RAD50: variants seen among roughly 807,000 people sequenced by gnomAD.
RAD50 encodes the protein DNA repair protein RAD50.
A neutral mutation model predicts 168.8 loss-of-function variants in RAD50; 132 were observed. The ratio of observed to expected loss-of-function variants is 0.78; its 90% CI spans 0.68 to 0.90. The LOEUF is 0.90. Among genes scored for constraint, RAD50 ranks in the 40% least tolerant of loss-of-function variants. The pLI is 0.00. For missense variants in RAD50, 1,347 were observed against 1,534.4 expected (o/e 0.88, Z 2.04); for synonymous variants, 525 against 497.4 (o/e 1.06, Z -0.74).
At chr5:132,641,503 C>T (rs1751720182) in intron 24 of RAD50, among the ~76,000 whole-genome samples, 1 of 152,198 alleles carries the variant, frequency 6.6e-6, no homozygotes, top group Non-Finnish European at 1.5e-5. Context: ...CTGCAGCCAT[C>T]ATCACAAGTA....
intron 21 of RAD50, among the ~76,000 whole-genome samples, chr5:132,633,098 CTTTTTTTTTT>C (rs34616055): frequency 2.7e-5 from 3 of 113,048 alleles, no homozygotes; most frequent in Non-Finnish European, 5.3e-5. Context: ...TTCGTTTTTT[CTTTTTTTTTT>C]TTTTTTTTTT....
intron 21 of RAD50, among the ~76,000 whole-genome samples, chr5:132,621,228 C>A (rs1480919954): frequency 1.3e-5 from 2 of 152,120 alleles, no homozygotes; most frequent in Non-Finnish European, 2.9e-5. Context: ...AGACCTCGAT[C>A]AAAAATTTGA....
At chr5:132,575,992 G>T in intron 3 of RAD50, 64 bp downstream of exon 3, 1 of 1,446,660 alleles carries the variant, frequency 6.9e-7, no homozygotes, top group Non-Finnish European at 9.4e-7. Context: ...GTAAGTTGAT[G>T]GTTGTTTTCT....
chr5:132,626,422 C>G (rs1751373030), intron 21 of RAD50, among the ~76,000 whole-genome samples: 1 of 152,018 alleles, frequency 6.6e-6, no homozygotes, highest in African/African-American at 2.4e-5. Flanking sequence ...AGATATTTAG[C>G]AAATTATTTA....
chr5:132,592,001 T>G lies in RAD50; in HGVS notation c.1760T>G (p.Ile587Ser), dbSNP rs769527393. 3.1e-6 allele frequency: 5 copies of G among 1,612,952 alleles called. No individual in the cohort carries two copies. The African/African-American group carries it at 6.7e-5, about 22-fold the overall frequency. Residue 587 changes from isoleucine (I) to serine (S), a missense_variant, in exon 11 of 25, where the codon ATT becomes AGT. Transcript: ENST00000378823. ...EDWLHSKSKE[I>S]NQTRDRLAKL... Reference sequence around the variant, plus strand: ...TGGCTACATAGTAAATCAAAAGAAATTAATCAGACCAGGGACAGACTTGCC... The same window carrying G: ...TGGCTACATAGTAAATCAAAAGAAAGTAATCAGACCAGGGACAGACTTGCC...
At chr5:132,641,097 T>G (rs1355066719) in intron 24 of RAD50, among the ~76,000 whole-genome samples, 1 of 152,168 alleles carries the variant, frequency 6.6e-6, no homozygotes, top group Admixed American at 6.5e-5. Context: ...GGCCTGGTTT[T>G]CCTGTAAACC....
Position 132,604,000 on chromosome 5 carries a change from A to G in RAD50, c.2478A>G (p.Gln826=), listed in dbSNP as rs779507601. The change falls in exon 15 of 25, where the codon CAA becomes CAG. Residue 826 remains glutamine (Q), a synonymous_variant. Coordinates refer to ENST00000378823, the MANE Select transcript of RAD50 (RefSeq NM_005732.4). ...GAATAGACTTAGATCGAACTGTCCAACAAGTCAACCAGGAGAAACAAGAGA... is the reference window on the plus strand; with the variant it reads ...GAATAGACTTAGATCGAACTGTCCAGCAAGTCAACCAGGAGAAACAAGAGA... ...LQGIDLDRTV[Q]QVNQEKQEKQ... 1.2e-6 allele frequency: 2 copies of G among 1,613,832 alleles called. No homozygotes were observed. Among genetic ancestry groups the G allele is most frequent in the East Asian group, 2.2e-5 (1 of 44,850 alleles).
In RAD50 at chr5:132,567,180, A is replaced by AT. The variant is rs367787392; in HGVS notation, c.213+7825dup. The stretch of plus-strand genomic sequence containing the variant: ...AAAAGTCAGCAAAGGATCTTTAATG[A>AT]TTTTTTTTTTTTAAAGCAGAATCCA... On this transcript the variant is annotated intron_variant, in intron 2 of 24. Transcript: ENST00000378823. Among the ~76,000 whole-genome samples, 295 of 148,560 alleles carry AT rather than the reference A, an allele frequency of 2.0e-3. 1 individual carries two copies. Among genetic ancestry groups the AT allele is most frequent in the African/African-American group, 6.4e-3 (263 of 40,840 alleles).
chr5:132,606,751 C>T (rs757837094), intron 16 of RAD50, among the ~76,000 whole-genome samples: 109 of 152,158 alleles, frequency 7.2e-4, no homozygotes, highest in Non-Finnish European at 1.2e-3. Flanking sequence ...TCCAGCAGCA[C>T]GTCAAAAAGC....
rs10671829 is a variant in RAD50 at position 132,624,871 on chromosome 5, C to CAAAAA, written c.3389+6595_3389+6599dup. 8.9e-4 allele frequency among the ~76,000 whole-genome samples: 51 copies of CAAAAA among 57,296 alleles called. 2 individuals are homozygous for CAAAAA. Among genetic ancestry groups the CAAAAA allele is most frequent in the African/African-American group, 2.6e-3 (49 of 19,030 alleles). 37.6% of individuals were successfully genotyped at this position (57,296 alleles called of 152,430 possible). On this transcript the variant is annotated intron_variant, in intron 21 of 24. Transcript: ENST00000378823. Reference sequence around the variant, plus strand: ...TGGGTGACAGAAAGAGACCCTGTCTCAAAAAAAAAAAAAAAAAAAAAATCA... The same window carrying CAAAAA: ...TGGGTGACAGAAAGAGACCCTGTCTCAAAAAAAAAAAAAAAAAAAAAAAAAAATCA...
intron 19 of RAD50, among the ~76,000 whole-genome samples, chr5:132,612,909 G>A (rs1226524549): frequency 6.6e-6 from 1 of 152,132 alleles, no homozygotes; most frequent in Non-Finnish European, 1.5e-5. Context: ...AGAGATATGT[G>A]TGTTTTGTTG....
At chr5:132,637,935 C>G in intron 22 of RAD50, 146 bp from the exon 23 acceptor site, 1 of 920,104 alleles carries the variant, frequency 1.1e-6, no homozygotes, top group Non-Finnish European at 1.7e-6. Flanking sequence ...ATCCTCCCAG[C>G]CAGAGAAAGA....
intron 19 of RAD50, among the ~76,000 whole-genome samples, chr5:132,610,474 C>G (rs1404558280): frequency 6.6e-6 from 1 of 152,030 alleles, no homozygotes; most frequent in Non-Finnish European, 1.5e-5. Flanking sequence ...ATGCTTTATG[C>G]AAGCATGGTA....
chr5:132,642,234 A>G lies in RAD50; in HGVS notation c.3809A>G (p.Asp1270Gly). ...TTCCAGCTTCTGGTAATCACTCATG[A>G]TGAAGATTTTGTGGAGCTTTTAGGA... ...RNFQLLVITH[D>G]EDFVELLGRS... Residue 1270 changes from aspartate (D) to glycine (G), a missense_variant, in exon 25 of 25, where the codon GAT becomes GGT. Around this residue, in one of 3 missense-constraint regions of RAD50, gnomAD observed 635 missense variants for 739.2 expected, o/e 0.86. Transcript: ENST00000378823. The G allele has an allele frequency of 6.2e-7, 1 of 1,614,200 alleles. No individual in the cohort carries two copies. Among genetic ancestry groups the G allele is most frequent in the South Asian group, 1.1e-5 (1 of 91,070 alleles).
chr5:132,557,248 C>A lies in RAD50; in HGVS notation c.-77C>A. On this transcript the variant is annotated 5_prime_UTR_variant, in exon 1 of 25. Coordinates refer to ENST00000378823, the MANE Select transcript of RAD50 (RefSeq NM_005732.4). ...CCTGAGATTCGCGGGTCTCACGTCC[C>A]GTGCACGCCTTGCTTCGGCCTCAGT... 1.3e-6 allele frequency: 2 copies of A among 1,567,046 alleles called. No homozygotes were observed. The highest frequency in any genetic ancestry group is 1.7e-5 in the Admixed American group (1 of 59,904).
chr5:132,580,825 G>A (rs1319955920), intron 5 of RAD50, among the ~76,000 whole-genome samples: 1 of 151,948 alleles, frequency 6.6e-6, no homozygotes, highest in Non-Finnish European at 1.5e-5. Context: ...CTAAATAAGA[G>A]CATTCTTAAA....
rs532934657 is a variant in RAD50 at position 132,641,249 on chromosome 5, A to G, written c.3752+444A>G. ...GTGAGGAATGACAGAGCTCTTACTC[A>G]AAAAGCTTATTTGAGATTAGGTAAA... On this transcript the variant is annotated intron_variant, in intron 24 of 24. Transcript: ENST00000378823. Among the ~76,000 whole-genome samples the G allele has an allele frequency of 2.6e-5, 4 of 152,320 alleles. 1 individual carries two copies. In the South Asian group the frequency reaches 8.3e-4, roughly 32 times the overall value.
intron 2 of RAD50, among the ~76,000 whole-genome samples, chr5:132,559,882 A>T (rs1008841878): frequency 2.0e-5 from 3 of 152,168 alleles, no homozygotes; most frequent in Non-Finnish European, 4.4e-5. Context: ...GTTCAAGGCT[A>T]GCCTGGACAA....
At chr5:132,568,606 C>T (rs1750250044) in intron 2 of RAD50, among the ~76,000 whole-genome samples, 1 of 152,130 alleles carries the variant, frequency 6.6e-6, no homozygotes, top group Non-Finnish European at 1.5e-5. Context: ...AGTAACACAT[C>T]ATGCAGAGGG....
Sources: gnomAD v4.1 joint callset for allele counts (sites outside exome capture counted in the v4.1 genomes callset) on GRCh38, gnomAD v4.1.1 for gene constraint, gnomAD v4.1.1 regional missense constraint, MANE v1.5 for transcripts, NCBI Gene and HGNC (gene_info 2026-07-23, HGNC 2026-07-21) for gene names.